The following TDRD3 variants were observed in gnomAD, a reference collection of about 807,000 sequenced individuals.
TDRD3 encodes the protein tudor domain-containing protein 3.
Under a neutral mutation model 86.7 loss-of-function variants are expected in TDRD3, and 45 were observed. The observed-to-expected ratio is 0.52, with a 90% CI of 0.41 to 0.67. The LOEUF (loss-of-function observed/expected upper bound fraction) is 0.67, where lower values mean the gene tolerates loss of function less well. Among genes scored for constraint, TDRD3 ranks in the 30% least tolerant of loss-of-function variants. TDRD3 has a pLI of 0.00. For missense variants in TDRD3, 814 were observed against 889.0 expected, an observed-to-expected ratio of 0.92 and a Z score of 1.07; for synonymous variants, 298 against 301.7, an observed-to-expected ratio of 0.99 and a Z score of 0.13.
At chr13:60,457,130 C>T (rs1955694532) in intron 3 of TDRD3, among the ~76,000 whole-genome samples, 1 of 151,978 alleles carries the variant, frequency 6.6e-6, no homozygotes, top group African/African-American at 2.4e-5. Context: ...ATATTGTAAG[C>T]AGAATAATGA....
At chr13:60,475,726 A>G (rs936323811) in intron 5 of TDRD3, among the ~76,000 whole-genome samples, 13 of 152,142 alleles carry the variant, frequency 8.5e-5, no homozygotes, top group Non-Finnish European at 1.9e-4. Flanking sequence ...TGACTTTTTA[A>G]TAATAGCCAT....
At chr13:60,510,586 G>A (rs1184138531) in intron 9 of TDRD3, 44 bp from the exon 10 acceptor site, 1 of 1,471,996 alleles carries the variant, frequency 6.8e-7, no homozygotes, top group Non-Finnish European at 9.0e-7. Context: ...TTCTCTTTTT[G>A]TTTTTGCATA....
At chr13:60,452,401 T>C (rs2138015662) in intron 3 of TDRD3, among the ~76,000 whole-genome samples, 1 of 152,266 alleles carries the variant, frequency 6.6e-6, no homozygotes, top group African/African-American at 2.4e-5. Flanking sequence ...ATTATTATTC[T>C]TATATATTCT....
intron 3 of TDRD3, among the ~76,000 whole-genome samples, chr13:60,460,109 A>C (rs548297225): frequency 6.6e-6 from 1 of 150,842 alleles, no homozygotes; most frequent in African/African-American, 2.4e-5. Flanking sequence ...CTGTTTTCCT[A>C]GGGTTTTCTT....
chr13:60,521,105 G>T (rs1380607582), intron 10 of TDRD3, among the ~76,000 whole-genome samples: 2 of 152,196 alleles, frequency 1.3e-5, no homozygotes, highest in Non-Finnish European at 2.9e-5. Context: ...TTTACTTTTT[G>T]TGTGTTGTGC....
chr13:60,507,553 TAGG>T (rs1240880735), intron 8 of TDRD3, among the ~76,000 whole-genome samples: 1 of 152,128 alleles, frequency 6.6e-6, no homozygotes, highest in Non-Finnish European at 1.5e-5. Flanking sequence ...ATGGCACAAA[TAGG>T]TGGAAACTGA....
At chr13:60,490,068 T>TC (rs1349055045) in intron 7 of TDRD3, among the ~76,000 whole-genome samples, 1 of 150,336 alleles carries the variant, frequency 6.7e-6, no homozygotes, top group African/African-American at 2.4e-5. Context: ...TTTTTTTTTT[T>TC]TTTTACAGCA....
intron 10 of TDRD3, among the ~76,000 whole-genome samples, chr13:60,524,467 A>G (rs1294908311): frequency 2.6e-5 from 4 of 151,532 alleles, no homozygotes; most frequent in African/African-American, 7.3e-5. Flanking sequence ...AGACTGCACC[A>G]CTGTACTCCA....
At chr13:60,454,164 G>A (rs1215430460) in intron 3 of TDRD3, among the ~76,000 whole-genome samples, 3 of 152,170 alleles carry the variant, frequency 2.0e-5, no homozygotes, top group Middle Eastern at 3.4e-3. Context: ...TTCTAATTCA[G>A]TTACGTTGTG....
chr13:60,562,939 A>G (rs1435818110), intron 12 of TDRD3, among the ~76,000 whole-genome samples: 1 of 152,176 alleles, frequency 6.6e-6, no homozygotes, highest in Non-Finnish European at 1.5e-5. Flanking sequence ...GTAATATAAG[A>G]TAAAGTGGGC....
intron 12 of TDRD3, among the ~76,000 whole-genome samples, chr13:60,557,363 A>G (rs541439889): frequency 5.9e-5 from 9 of 152,330 alleles, no homozygotes; most frequent in South Asian, 2.1e-4. Context: ...GTGAAACGCC[A>G]TGGATGAATT....
At chr13:60,517,363 C>T (rs543079771) in intron 10 of TDRD3, among the ~76,000 whole-genome samples, 4 of 152,136 alleles carry the variant, frequency 2.6e-5, no homozygotes, top group Admixed American at 2.0e-4. Flanking sequence ...ATATATTAGG[C>T]TAGATGTTAT....
intron 1 of TDRD3, among the ~76,000 whole-genome samples, chr13:60,401,565 C>T (rs1033556269): frequency 3.3e-5 from 5 of 151,994 alleles, no homozygotes; most frequent in African/African-American, 1.2e-4. Flanking sequence ...AGTTGAAGAC[C>T]CTTTAAGGTA....
intron 4 of TDRD3, among the ~76,000 whole-genome samples, chr13:60,464,890 A>T (rs1239404449): frequency 6.6e-6 from 1 of 152,146 alleles, no homozygotes; most frequent in Non-Finnish European, 1.5e-5. Context: ...TAATAGGGTG[A>T]CTATAGTTAA....
At chr13:60,397,003 T>C (rs564816159), upstream of TDRD3, 79 of 181,332 alleles carry the variant, frequency 4.4e-4, no homozygotes, top group African/African-American at 1.8e-3. Context: ...TCCTCGCGAC[T>C]TTCCAAGGTG....
rs890120691 is a variant in TDRD3 at position 60,483,818 on chromosome 13, G to A, written c.539G>A (p.Gly180Glu). 1.2e-6 allele frequency: 2 copies of A among 1,613,414 alleles called. No homozygotes were observed. The highest frequency in any genetic ancestry group is 3.3e-5 in the Admixed American group (2 of 59,946). The change falls in exon 6 of 14, where the codon GGA becomes GAA. Residue 180 changes from glycine (G) to glutamate (E), a missense_variant. Transcript: ENST00000377881. ...AGAAGCAATATTGGAACTGAAGGTG[G>A]ACCACCGCCTTTTGTGCCTTTTGGA... Reference protein sequence around the residue: ...HNRSNIGTEGGPPPFVPFGQK... With the variant: ...HNRSNIGTEGEPPPFVPFGQK...
intron 1 of TDRD3, among the ~76,000 whole-genome samples, chr13:60,399,236 C>T (rs1406955984): frequency 1.3e-5 from 2 of 152,186 alleles, no homozygotes; most frequent in African/African-American, 4.8e-5. Context: ...AGGGCCTCTG[C>T]AGAAGCTTAG....
intron 1 of TDRD3, among the ~76,000 whole-genome samples, chr13:60,401,411 T>C (rs932763448): frequency 6.6e-6 from 1 of 152,144 alleles, no homozygotes; most frequent in Non-Finnish European, 1.5e-5. Flanking sequence ...ACTACACTAT[T>C]TTGTGTCAGG....
intron 5 of TDRD3, among the ~76,000 whole-genome samples, chr13:60,470,054 T>C (rs1257439675): frequency 6.6e-6 from 1 of 152,196 alleles, no homozygotes; most frequent in Non-Finnish European, 1.5e-5. Context: ...TCCTTCCTCC[T>C]CTCAGTCTTG....
Sources: gnomAD v4.1 joint callset for allele counts (sites outside exome capture counted in the v4.1 genomes callset) on GRCh38, gnomAD v4.1.1 for gene constraint, MANE v1.5 for transcripts, NCBI Gene and HGNC (gene_info 2026-07-23, HGNC 2026-07-21) for gene names.